COL19A1: variants seen among roughly 807,000 people sequenced by gnomAD.
COL19A1 encodes the protein collagen alpha-1(XIX) chain.
A neutral mutation model predicts 190.2 loss-of-function variants in COL19A1; 159 were observed. The ratio of observed to expected loss-of-function variants is 0.84; its 90% confidence interval spans 0.73 to 0.95. The LOEUF (loss-of-function observed/expected upper bound fraction) is 0.95. Ranked by LOEUF, COL19A1 falls within the 40% of genes least tolerant of loss-of-function variation. COL19A1 has a pLI of 0.00. For missense variants in COL19A1, 1,418 were observed against 1,431.9 expected, an observed-to-expected ratio of 0.99 and a Z score of 0.16; for synonymous variants, 509 against 458.9, an observed-to-expected ratio of 1.11 and a Z score of -1.39.
intron 18 of COL19A1, among the ~76,000 whole-genome samples, chr6:70,135,445 G>A (rs952028811): frequency 4.6e-5 from 7 of 152,162 alleles, no homozygotes; most frequent in Non-Finnish European, 1.0e-4. Flanking sequence ...CCAGCTACCA[G>A]TCAACTCATT....
chr6:70,064,092 A>G (rs1000018552), intron 14 of COL19A1, among the ~76,000 whole-genome samples: 5 of 152,174 alleles, frequency 3.3e-5, no homozygotes, highest in Admixed American at 3.3e-4. Flanking sequence ...ACTCCAATCA[A>G]TAGAAAAAGA....
chr6:69,884,617 A>G (rs1451816613), intron 2 of COL19A1, among the ~76,000 whole-genome samples: 1 of 152,170 alleles, frequency 6.6e-6, no homozygotes, highest in African/African-American at 2.4e-5. Flanking sequence ...GCAATGTTCA[A>G]TACAGAGGGG....
chr6:70,157,617 T>C (rs1787521921), intron 34 of COL19A1, among the ~76,000 whole-genome samples: 1 of 152,100 alleles, frequency 6.6e-6, no homozygotes, highest in South Asian at 2.1e-4. Context: ...TCTAGAAAAC[T>C]TTGAGGTTTG....
At chr6:69,965,338 G>A (rs569673374) in intron 11 of COL19A1, among the ~76,000 whole-genome samples, 2 of 152,214 alleles carry the variant, frequency 1.3e-5, no homozygotes, top group Admixed American at 1.3e-4. Flanking sequence ...TACATCAACT[G>A]CAAAAGGTAA....
chr6:69,969,758 A>T (rs576373958), intron 11 of COL19A1, among the ~76,000 whole-genome samples: 1 of 152,246 alleles, frequency 6.6e-6, no homozygotes, highest in Admixed American at 6.5e-5. Flanking sequence ...CCTGGAACCA[A>T]TCCCCAGCAG....
At chr6:70,125,213 G>T (rs1456272562) in intron 17 of COL19A1, among the ~76,000 whole-genome samples, 1 of 152,176 alleles carries the variant, frequency 6.6e-6, no homozygotes, top group African/African-American at 2.4e-5. Context: ...TTGAGACATA[G>T]CAAGTGACAC....
intron 23 of COL19A1, among the ~76,000 whole-genome samples, chr6:70,143,034 G>A (rs1029590226): frequency 6.6e-6 from 1 of 152,122 alleles, no homozygotes; most frequent in Non-Finnish European, 1.5e-5. Flanking sequence ...AGTATCATTA[G>A]CCTAATAAAT....
intron 4 of COL19A1, among the ~76,000 whole-genome samples, chr6:69,903,560 C>T (rs913390966): frequency 1.3e-4 from 20 of 152,162 alleles, no homozygotes; most frequent in African/African-American, 3.1e-4. Context: ...GGGCAGCATA[C>T]GCACTTACTA....
chr6:69,926,222 C>A (rs1034757177), intron 4 of COL19A1, among the ~76,000 whole-genome samples: 2 of 151,786 alleles, frequency 1.3e-5, no homozygotes, highest in African/African-American at 4.8e-5. Flanking sequence ...TGGCTGTGGT[C>A]TTTTCAATTA....
chr6:69,970,573 GC>G (rs1409589798), intron 11 of COL19A1, among the ~76,000 whole-genome samples: 1 of 151,954 alleles, frequency 6.6e-6, no homozygotes, highest in African/African-American at 2.4e-5. Context: ...TGGTGATTAT[GC>G]CTATTATTTA....
At chr6:70,008,635 A>C (rs1243072129) in intron 11 of COL19A1, among the ~76,000 whole-genome samples, 1 of 151,888 alleles carries the variant, frequency 6.6e-6, no homozygotes, top group Non-Finnish European at 1.5e-5. Flanking sequence ...AATCCTACAC[A>C]TAATTTTTTC....
chr6:70,088,074 C>G (rs3806019), intron 15 of COL19A1, among the ~76,000 whole-genome samples: 1 of 151,966 alleles, frequency 6.6e-6, no homozygotes. Context: ...ATGCTTGGGA[C>G]CTTCTGCACA....
chr6:69,975,854 G>A (rs1410391182), intron 11 of COL19A1, among the ~76,000 whole-genome samples: 2 of 152,006 alleles, frequency 1.3e-5, no homozygotes, highest in African/African-American at 2.4e-5. Flanking sequence ...TAGAATGAGC[G>A]TATTTATTTA....
At chr6:69,926,065 G>A (rs922086846) in intron 4 of COL19A1, among the ~76,000 whole-genome samples, 5 of 152,024 alleles carry the variant, frequency 3.3e-5, no homozygotes, top group African/African-American at 1.2e-4. Flanking sequence ...TTTCCTAATT[G>A]AATACCCTTT....
At chr6:69,878,892 C>A (rs954268554) in intron 1 of COL19A1, among the ~76,000 whole-genome samples, 1 of 152,030 alleles carries the variant, frequency 6.6e-6, no homozygotes, top group Non-Finnish European at 1.5e-5. Context: ...AGTTCTGAAA[C>A]AATGTACAAA....
intron 1 of COL19A1, among the ~76,000 whole-genome samples, chr6:69,870,859 G>C (rs1444567276): frequency 6.6e-6 from 1 of 152,210 alleles, no homozygotes; most frequent in Non-Finnish European, 1.5e-5. Context: ...GAGAAAGTTG[G>C]TATGGATTCA....
At chr6:70,078,962 G>A (rs919751984) in intron 15 of COL19A1, among the ~76,000 whole-genome samples, 1 of 152,160 alleles carries the variant, frequency 6.6e-6, no homozygotes, top group Admixed American at 6.5e-5. Context: ...AGCTATGTGG[G>A]AGGCTGAGGC....
At chr6:70,045,168 C>G (rs150313967) in intron 14 of COL19A1, among the ~76,000 whole-genome samples, 90 of 151,946 alleles carry the variant, frequency 5.9e-4, no homozygotes, top group African/African-American at 1.7e-3. Flanking sequence ...GAAAAATTAG[C>G]CAGGCATGGT....
intron 11 of COL19A1, among the ~76,000 whole-genome samples, chr6:69,974,925 G>A (rs1014405448): frequency 6.8e-6 from 1 of 146,152 alleles, no homozygotes; most frequent in Non-Finnish European, 1.5e-5. Flanking sequence ...CCATTTTCCT[G>A]CCTCAGCCTC....
Sources: allele counts gnomAD v4.1 joint callset (sites outside exome capture counted in the v4.1 genomes callset), GRCh38; gene constraint gnomAD v4.1.1; transcripts MANE v1.5; gene names NCBI Gene and HGNC (gene_info 2026-07-23, HGNC 2026-07-21).